CSMD1: variants seen among roughly 807,000 people sequenced by gnomAD.
CSMD1 encodes the protein CUB and sushi domain-containing protein 1.
A neutral mutation model predicts 417.5 loss-of-function variants in CSMD1; 213 were observed. The observed-to-expected ratio is 0.51, with a 90% CI of 0.46 to 0.57. The LOEUF (loss-of-function observed/expected upper bound fraction) is 0.57, where lower values mean the gene tolerates loss of function less well. CSMD1 is among the 20% of genes least tolerant of loss of function. CSMD1 has a pLI of 0.00. For synonymous variants in CSMD1, 2,862 were observed against 1,736.8 expected, an observed-to-expected ratio of 1.65 and a Z score of -16.11; for missense variants, 6,923 against 4,529.7, an observed-to-expected ratio of 1.53 and a Z score of -15.17.
At chr8:3,586,991 A>G (rs926009659) in intron 8 of CSMD1, among the ~76,000 whole-genome samples, 4 of 152,052 alleles carry the variant, frequency 2.6e-5, no homozygotes, top group Non-Finnish European at 5.9e-5. Flanking sequence ...GTAGAGACAG[A>G]GTTTCACCAT....
At chr8:4,486,277 A>G (rs1327860008) in intron 2 of CSMD1, among the ~76,000 whole-genome samples, 2 of 142,388 alleles carry the variant, frequency 1.4e-5, no homozygotes, top group Non-Finnish European at 3.0e-5. Flanking sequence ...ATATATATAT[A>G]CGCACACGCA....
At chr8:3,855,091 C>G (rs904610604) in intron 5 of CSMD1, among the ~76,000 whole-genome samples, 13 of 152,098 alleles carry the variant, frequency 8.5e-5, no homozygotes, top group African/African-American at 3.1e-4. Context: ...AGAGTATTTA[C>G]CTACTACTCT....
chr8:3,120,193 C>T (rs1354342891), intron 41 of CSMD1, among the ~76,000 whole-genome samples: 1 of 152,004 alleles, frequency 6.6e-6, no homozygotes, highest in African/African-American at 2.4e-5. Flanking sequence ...TAGGACAGGG[C>T]AGAGGGGCCA....
chr8:3,220,224 A>G (rs1005482793), intron 28 of CSMD1, among the ~76,000 whole-genome samples: 9 of 151,690 alleles, frequency 5.9e-5, no homozygotes, highest in African/African-American at 2.2e-4. Flanking sequence ...CCAGAGTGTA[A>G]CCTTTCTCAC....
intron 21 of CSMD1, among the ~76,000 whole-genome samples, chr8:3,351,024 T>C (rs766389788): frequency 5.3e-5 from 8 of 152,202 alleles, no homozygotes; most frequent in Non-Finnish European, 1.2e-4. Context: ...CAACTCACCA[T>C]CCTTCTAGCA....
chr8:3,497,939 C>G (rs903343568), intron 10 of CSMD1, among the ~76,000 whole-genome samples: 1 of 152,176 alleles, frequency 6.6e-6, no homozygotes, highest in Admixed American at 6.5e-5. Flanking sequence ...CACCCTTTCA[C>G]TTTCAGATGA....
At chr8:3,004,196 T>C (rs1292417963) in intron 52 of CSMD1, among the ~76,000 whole-genome samples, 1 of 152,216 alleles carries the variant, frequency 6.6e-6, no homozygotes, top group Non-Finnish European at 1.5e-5. Context: ...CCTTACACTA[T>C]GATGCCAGAG....
intron 5 of CSMD1, among the ~76,000 whole-genome samples, chr8:3,833,418 T>G (rs1363072121): frequency 6.6e-6 from 1 of 152,152 alleles, no homozygotes; most frequent in Non-Finnish European, 1.5e-5. Context: ...ATTTTAATTT[T>G]GCCATATTTT....
chr8:3,077,881 C>T (rs192045812), intron 49 of CSMD1, among the ~76,000 whole-genome samples: 1 of 152,210 alleles, frequency 6.6e-6, no homozygotes. Flanking sequence ...GTCTTTACTC[C>T]TCTTTGCCTT....
chr8:4,387,592 A>AAAAAAAAAAAAAAG (rs1803542375), intron 3 of CSMD1, among the ~76,000 whole-genome samples: 1 of 148,704 alleles, frequency 6.7e-6, no homozygotes, highest in Non-Finnish European at 1.5e-5. Flanking sequence ...AAAAAAAAAA[A>AAAAAAAAAAAAAAG]GAGTTGAATG....
At chr8:4,414,875 G>A (rs761270619) in intron 3 of CSMD1, among the ~76,000 whole-genome samples, 1 of 152,076 alleles carries the variant, frequency 6.6e-6, no homozygotes, top group Admixed American at 6.6e-5. Flanking sequence ...CATATGAGGT[G>A]CCATCTACTG....
intron 1 of CSMD1, among the ~76,000 whole-genome samples, chr8:4,834,508 G>A (rs559326404): frequency 6.6e-6 from 1 of 152,294 alleles, no homozygotes; most frequent in African/African-American, 2.4e-5. Context: ...AGTTGTAAGG[G>A]ATCAACACAT....
chr8:4,262,230 T>C (rs1050879622), intron 3 of CSMD1, among the ~76,000 whole-genome samples: 3 of 152,214 alleles, frequency 2.0e-5, no homozygotes, highest in Non-Finnish European at 4.4e-5. Context: ...GACTTGGATC[T>C]GAGAGTGAAA....
At chr8:3,640,105 G>C (rs1290153200) in intron 7 of CSMD1, among the ~76,000 whole-genome samples, 3 of 152,104 alleles carry the variant, frequency 2.0e-5, no homozygotes, top group Admixed American at 6.5e-5. Context: ...CTCCCATGTA[G>C]AGGTCCTTTT....
chr8:3,229,715 A>C (rs185733877), intron 27 of CSMD1, among the ~76,000 whole-genome samples: 1 of 152,302 alleles, frequency 6.6e-6, no homozygotes. Context: ...TCAGAATAGC[A>C]ATGGTAGGTT....
intron 1 of CSMD1, among the ~76,000 whole-genome samples, chr8:4,839,108 C>A (rs979871438): frequency 6.6e-6 from 1 of 152,164 alleles, no homozygotes; most frequent in Non-Finnish European, 1.5e-5. Flanking sequence ...CAGTTTCCCA[C>A]CTCAAACTCC....
intron 3 of CSMD1, among the ~76,000 whole-genome samples, chr8:4,171,115 C>A (rs1367665913): frequency 6.6e-6 from 1 of 151,856 alleles, no homozygotes; most frequent in Non-Finnish European, 1.5e-5. Context: ...TGCCCTTCAG[C>A]ACACAAAGGT....
chr8:4,069,652 C>G (rs1046534383), intron 3 of CSMD1, among the ~76,000 whole-genome samples: 3 of 152,148 alleles, frequency 2.0e-5, no homozygotes, highest in African/African-American at 7.2e-5. Context: ...GCTTCCTGGG[C>G]CATGGCTCCT....
chr8:3,362,669 C>T lies in CSMD1; in HGVS notation c.3116-3329G>A, dbSNP rs144386978. Reference sequence around the variant, plus strand: ...CTCTTGAATACATCCCTCAATATCCCCAGGAGAAAAAGGTCTGTATTTTCT... The same window carrying T: ...CTCTTGAATACATCCCTCAATATCCTCAGGAGAAAAAGGTCTGTATTTTCT... On this transcript the variant is annotated intron_variant, in intron 20 of 69. Transcript: ENST00000635120. 5.9e-3 allele frequency among the ~76,000 whole-genome samples: 896 copies of T among 152,294 alleles called. 12 individuals are homozygous for T. Among genetic ancestry groups the T allele is most frequent in the African/African-American group, 0.021 (857 of 41,556 alleles).
Sources: gnomAD v4.1 joint callset for allele counts (sites outside exome capture counted in the v4.1 genomes callset) on GRCh38, gnomAD v4.1.1 for gene constraint, MANE v1.5 for transcripts, NCBI Gene and HGNC (gene_info 2026-07-23, HGNC 2026-07-21) for gene names.